Variants in VPS41 observed in about 807,000 individuals in gnomAD.
The protein encoded by VPS41 is VPS41 subunit of HOPS complex, also known as vacuolar protein sorting-associated protein 41 homolog.
Under a neutral mutation model 130.9 loss-of-function variants are expected in VPS41, and 85 were observed. The observed-to-expected ratio is 0.65, with a 90% CI of 0.55 to 0.78. The LOEUF (loss-of-function observed/expected upper bound fraction) is 0.78, where lower values mean the gene tolerates loss of function less well. VPS41 is among the 30% of genes least tolerant of loss of function. VPS41 has a pLI of 0.00. For missense variants in VPS41, 874 were observed against 1,018.7 expected, an observed-to-expected ratio of 0.86 and a Z score of 1.93; for synonymous variants, 335 against 332.9, an observed-to-expected ratio of 1.01 and a Z score of -0.07.
At chr7:38,874,750 G>A (rs987634074) in intron 2 of VPS41, among the ~76,000 whole-genome samples, 2 of 152,072 alleles carry the variant, frequency 1.3e-5, no homozygotes, top group African/African-American at 2.4e-5. Flanking sequence ...AAAGAAAATC[G>A]ATAACCAACC....
At position 38,795,786 on chromosome 7, in the gene VPS41, A is replaced by G. The variant is rs533022629; in HGVS notation, c.571-175T>C. 5.3e-5 allele frequency among the ~76,000 whole-genome samples: 8 copies of G among 152,296 alleles called. No homozygotes were observed. In the East Asian group the frequency reaches 1.5e-3, roughly 29 times the overall value. Reference sequence around the variant, plus strand: ...CACAAACCCTGTGGGAACTAAAACCACAAGGAAACCTCCACCCTTCTTTCT... The same window carrying G: ...CACAAACCCTGTGGGAACTAAAACCGCAAGGAAACCTCCACCCTTCTTTCT... On this transcript the variant is annotated intron_variant, in intron 8 of 28. Coordinates refer to ENST00000310301, the MANE Select transcript of VPS41 (RefSeq NM_014396.4).
intron 2 of VPS41, among the ~76,000 whole-genome samples, chr7:38,887,304 C>T (rs1220891335): frequency 6.6e-6 from 1 of 152,128 alleles, no homozygotes; most frequent in East Asian, 1.9e-4. Context: ...GAATGGCTAA[C>T]TAGAATAAAC....
At position 38,745,650 on chromosome 7, in the gene VPS41, G is replaced by A. The variant is rs768257123; in HGVS notation, c.1927-37C>T. The stretch of plus-strand genomic sequence containing the variant: ...GCAGGGTAAAAATGTTACTATAGGC[G>A]ACCAAATAAGAACAAACAGTAATAA... On this transcript the variant is annotated intron_variant, in intron 22 of 28. Transcript: ENST00000310301. 40 of 1,469,196 alleles carry A rather than the reference G, an allele frequency of 2.7e-5. No individual in the cohort carries two copies. In the East Asian group the frequency reaches 6.5e-4, roughly 24 times the overall value. 91.0% of individuals were successfully genotyped at this position (1,469,196 alleles called of 1,614,324 possible).
At chr7:38,896,901 C>T (rs1354804016) in intron 2 of VPS41, among the ~76,000 whole-genome samples, 1 of 152,118 alleles carries the variant, frequency 6.6e-6, no homozygotes, top group Non-Finnish European at 1.5e-5. Context: ...AAGCCAATTA[C>T]ATTATGCTTG....
intron 1 of VPS41, among the ~76,000 whole-genome samples, chr7:38,903,960 G>A (rs1318353126): frequency 6.6e-6 from 1 of 152,126 alleles, no homozygotes; most frequent in East Asian, 1.9e-4. Context: ...AGGTGACCCA[G>A]TCCCAAATCT....
At chr7:38,801,290 G>A (rs1784719807) in intron 7 of VPS41, among the ~76,000 whole-genome samples, 1 of 152,166 alleles carries the variant, frequency 6.6e-6, no homozygotes, top group African/African-American at 2.4e-5. Context: ...AATGCAGACA[G>A]GCACATGCCA....
rs140388712 is a variant in VPS41 at position 38,843,568 on chromosome 7, G to C, written c.247-13240C>G. On this transcript the variant is annotated intron_variant, in intron 4 of 28. Coordinates refer to ENST00000310301, the MANE Select transcript of VPS41 (RefSeq NM_014396.4). ...GCGGTGCTGGGCGCCTGTAATCCCG[G>C]CTACTCAGGAGGCTGAGGCAGGAGA... 1.7e-3 allele frequency among the ~76,000 whole-genome samples: 255 copies of C among 152,098 alleles called. 8 individuals carry two copies. The East Asian group carries it at 0.043, about 25-fold the overall frequency.
chr7:38,804,241 G>A (rs556449200), intron 7 of VPS41, among the ~76,000 whole-genome samples: 4 of 151,900 alleles, frequency 2.6e-5, no homozygotes, highest in South Asian at 2.1e-4. Context: ...AGGTAAACTC[G>A]TGCCACAGGG....
Position 38,835,989 on chromosome 7 carries a change from T to G in VPS41, c.247-5661A>C, listed in dbSNP as rs145370541. 8.8e-3 allele frequency among the ~76,000 whole-genome samples: 1,336 copies of G among 152,164 alleles called. 25 individuals carry two copies. The highest frequency in any genetic ancestry group is 0.03 in the African/African-American group (1,232 of 41,558). Reference sequence around the variant, plus strand: ...ATTTCTACTACCAACACGCTTGATTTCTGTTTGGCTTTTTACTGTGTATTT... The same window carrying G: ...ATTTCTACTACCAACACGCTTGATTGCTGTTTGGCTTTTTACTGTGTATTT... On this transcript the variant is annotated intron_variant, in intron 4 of 28. Coordinates refer to ENST00000310301, the MANE Select transcript of VPS41 (RefSeq NM_014396.4).
intron 8 of VPS41, 128 bp downstream of exon 8, chr7:38,796,617 T>C: frequency 1.4e-6 from 2 of 1,380,208 alleles, no homozygotes; most frequent in Admixed American, 1.7e-5. Flanking sequence ...ATGATACCAA[T>C]CGTCCTTACA....
At chr7:38,763,617 G>A in intron 16 of VPS41, 70 bp from the exon 17 acceptor site, 3 of 944,588 alleles carry the variant, frequency 3.2e-6, no homozygotes, top group Non-Finnish European at 3.2e-6. Context: ...CAATTATGCA[G>A]AAAACATAAA....
chr7:38,749,444 T>G (rs1796049939), intron 22 of VPS41, among the ~76,000 whole-genome samples: 1 of 152,142 alleles, frequency 6.6e-6, no homozygotes, highest in African/African-American at 2.4e-5. Flanking sequence ...CTGCCAGAGG[T>G]AAATTATAAA....
chr7:38,758,338 A>T lies in VPS41; in HGVS notation c.1550+16T>A. ...CACAGACTGATATGGAAAAAGAAAC[A>T]CTTAAGTATACTCACAATTCTGCCA... On this transcript the variant is annotated intron_variant, in intron 18 of 28. Coordinates refer to ENST00000310301, the MANE Select transcript of VPS41 (RefSeq NM_014396.4). 6.3e-7 allele frequency: 1 copy of T among 1,592,446 alleles called. No individual in the cohort carries two copies. Among genetic ancestry groups the T allele is most frequent in the Non-Finnish European group, 8.5e-7 (1 of 1,173,326 alleles).
chr7:38,739,952 A>G (rs1180993420), intron 25 of VPS41, among the ~76,000 whole-genome samples: 1 of 152,240 alleles, frequency 6.6e-6, no homozygotes, highest in Non-Finnish European at 1.5e-5. Flanking sequence ...CATTTTTATT[A>G]CCAGCTGACT....
chr7:38,784,618 A>G (rs1402888547), intron 10 of VPS41, among the ~76,000 whole-genome samples: 1 of 139,794 alleles, frequency 7.2e-6, no homozygotes, highest in African/African-American at 2.6e-5. Context: ...CTGGGCAAAG[A>G]GCAAGACCCT....
At chr7:38,859,098 A>G (rs1002131498) in intron 4 of VPS41, among the ~76,000 whole-genome samples, 1 of 152,102 alleles carries the variant, frequency 6.6e-6, no homozygotes, top group African/African-American at 2.4e-5. Context: ...TTTTTAACAA[A>G]AAGTTTTAGA....
At chr7:38,845,333 A>C (rs1237131345) in intron 4 of VPS41, among the ~76,000 whole-genome samples, 2 of 152,254 alleles carry the variant, frequency 1.3e-5, no homozygotes, top group African/African-American at 4.8e-5. Flanking sequence ...GATAGCAGAT[A>C]CACAGTGGTA....
intron 25 of VPS41, among the ~76,000 whole-genome samples, chr7:38,735,448 A>C (rs758783691): frequency 1.1e-4 from 17 of 152,178 alleles, no homozygotes; most frequent in Non-Finnish European, 2.1e-4. Flanking sequence ...GAGATGTCTG[A>C]AATCAGTTTA....
At position 38,726,261 on chromosome 7, in the gene VPS41, C is replaced by T. The variant is rs748121902; in HGVS notation, c.2550G>A (p.Leu850=). The T allele has an allele frequency of 3.7e-6, 6 of 1,608,790 alleles. No individual in the cohort carries two copies. The highest frequency in any genetic ancestry group is 5.1e-6 in the Non-Finnish European group (6 of 1,176,172). ...AKNRGPGSAI[L]EMKK is the part of the protein sequence containing the mutation. ...GAGAAATGAGCTATTTTTTCATCTCCAAAATTGCACTTCCTGGTCCACGGT... is the reference window on the plus strand; with the variant it reads ...GAGAAATGAGCTATTTTTTCATCTCTAAAATTGCACTTCCTGGTCCACGGT... The change falls in exon 29 of 29, where the codon TTG becomes TTA. Residue 850 remains leucine, a synonymous_variant. Coordinates refer to ENST00000310301, the MANE Select transcript of VPS41 (RefSeq NM_014396.4).
Sources: allele counts gnomAD v4.1 joint callset (sites outside exome capture counted in the v4.1 genomes callset), GRCh38; gene constraint gnomAD v4.1.1; transcripts MANE v1.5; gene names NCBI Gene and HGNC (gene_info 2026-07-23, HGNC 2026-07-21).